The following FHIT variants were observed in gnomAD, a reference collection of about 807,000 sequenced individuals.
FHIT encodes fragile histidine triad diadenosine triphosphatase, also known as bis(5'-adenosyl)-triphosphatase.
In FHIT, 19 loss-of-function variants were observed where a neutral mutation model predicts 17.9. That is an observed-to-expected ratio of 1.06 (90% CI 0.74 to 1.56). FHIT has a LOEUF of 1.56. Ranked by LOEUF, FHIT falls within the 40% of genes most tolerant of loss-of-function variation. The probability of loss-of-function intolerance (pLI) is 0.00; values close to 1 mark genes in which losing one functional copy is unlikely to be tolerated. For synonymous variants in FHIT, 81 were observed against 69.7 expected, an observed-to-expected ratio of 1.16 and a Z score of -0.81; for missense variants, 248 against 189.2, an observed-to-expected ratio of 1.31 and a Z score of -1.82.
At chr3:60,256,772 T>G (rs1392286067) in intron 5 of FHIT, among the ~76,000 whole-genome samples, 1 of 152,184 alleles carries the variant, frequency 6.6e-6, no homozygotes, top group Admixed American at 6.5e-5. Context: ...ATTGGTCAGG[T>G]GCAATAGTCT....
intron 2 of FHIT, among the ~76,000 whole-genome samples, chr3:61,109,556 G>GT (rs1008023424): frequency 2.0e-5 from 3 of 152,112 alleles, no homozygotes; most frequent in African/African-American, 7.2e-5. Context: ...TCCCCTGTAT[G>GT]TAAGCCCCCA....
chr3:60,050,306 A>T (rs1258854819), intron 5 of FHIT, among the ~76,000 whole-genome samples: 2 of 152,092 alleles, frequency 1.3e-5, no homozygotes, highest in African/African-American at 4.8e-5. Context: ...TAAATTCCTT[A>T]AATTTTACCT....
chr3:60,632,417 C>A (rs1156794730), intron 4 of FHIT, among the ~76,000 whole-genome samples: 3 of 152,146 alleles, frequency 2.0e-5, no homozygotes, highest in Non-Finnish European at 2.9e-5. Context: ...TACCAAGGGG[C>A]TCCATGTCTT....
At chr3:60,387,986 G>A (rs1432420145) in intron 5 of FHIT, among the ~76,000 whole-genome samples, 4 of 152,048 alleles carry the variant, frequency 2.6e-5, no homozygotes, top group African/African-American at 9.7e-5. Context: ...ACCCTTCTCT[G>A]TCTTGCCATG....
At position 61,062,768 on chromosome 3, in the gene FHIT, T is replaced by C. The variant is rs147148333; in HGVS notation, c.-163-20669A>G. ...GCCATGAATTAAGTGGATCTGATTC[T>C]ATCTCTTAAAGGAACAGAAAAAAAA... On this transcript the variant is annotated intron_variant, in intron 2 of 9. Coordinates refer to ENST00000492590, the MANE Select transcript of FHIT (RefSeq NM_002012.4). Among the ~76,000 whole-genome samples, 390 of 152,332 alleles carry C rather than the reference T, an allele frequency of 2.6e-3. 2 individuals are homozygous for C. Among genetic ancestry groups the C allele is most frequent in the African/African-American group, 9.0e-3 (375 of 41,576 alleles).
At chr3:60,878,356 A>T (rs1169806623) in intron 3 of FHIT, among the ~76,000 whole-genome samples, 1 of 152,084 alleles carries the variant, frequency 6.6e-6, no homozygotes, top group East Asian at 1.9e-4. Flanking sequence ...AAAGCAATGG[A>T]ACTGCTTGTA....
chr3:60,646,638 C>T (rs1375395485), intron 4 of FHIT, among the ~76,000 whole-genome samples: 1 of 151,908 alleles, frequency 6.6e-6, no homozygotes, highest in Non-Finnish European at 1.5e-5. Flanking sequence ...GTGGGGGAAA[C>T]AATTTCTTTT....
chr3:60,742,634 C>G (rs994153544), intron 4 of FHIT, among the ~76,000 whole-genome samples: 4 of 152,196 alleles, frequency 2.6e-5, no homozygotes, highest in African/African-American at 9.6e-5. Context: ...AGGCTACAAC[C>G]AGCATTCTGC....
chr3:60,157,540 C>A (rs1700755620), intron 5 of FHIT, among the ~76,000 whole-genome samples: 1 of 152,092 alleles, frequency 6.6e-6, no homozygotes, highest in African/African-American at 2.4e-5. Context: ...GTGGGACTAG[C>A]TAAATACAGG....
intron 4 of FHIT, among the ~76,000 whole-genome samples, chr3:60,818,535 A>T (rs1289914780): frequency 6.6e-6 from 1 of 152,178 alleles, no homozygotes; most frequent in Non-Finnish European, 1.5e-5. Flanking sequence ...GAATTACATG[A>T]CGTGATCTCA....
chr3:59,951,037 G>C (rs375525620), intron 7 of FHIT, among the ~76,000 whole-genome samples: 4 of 152,252 alleles, frequency 2.6e-5, no homozygotes, highest in East Asian at 3.9e-4. Context: ...TTTGTATTAA[G>C]GCTTTAATAG....
intron 3 of FHIT, among the ~76,000 whole-genome samples, chr3:60,897,051 C>A (rs782698419): frequency 5.3e-5 from 8 of 152,110 alleles, no homozygotes; most frequent in East Asian, 1.9e-4. Context: ...ATGCAGCATG[C>A]TATATATAGT....
intron 2 of FHIT, among the ~76,000 whole-genome samples, chr3:61,112,930 C>T (rs963994146): frequency 1.3e-5 from 2 of 152,138 alleles, no homozygotes; most frequent in Non-Finnish European, 2.9e-5. Flanking sequence ...TATCTTGGAA[C>T]TAACTATGGA....
chr3:59,911,438 T>C (rs1222903124), intron 8 of FHIT, among the ~76,000 whole-genome samples: 1 of 152,158 alleles, frequency 6.6e-6, no homozygotes, highest in Non-Finnish European at 1.5e-5. Context: ...TTTTGGATTG[T>C]CTATCTTGGA....
At chr3:60,803,888 T>A (rs1301764805) in intron 4 of FHIT, among the ~76,000 whole-genome samples, 1 of 151,714 alleles carries the variant, frequency 6.6e-6, no homozygotes, top group Non-Finnish European at 1.5e-5. Flanking sequence ...AAATCCAAAT[T>A]AGCATGGTCC....
At chr3:60,375,080 A>G (rs1256316900) in intron 5 of FHIT, among the ~76,000 whole-genome samples, 1 of 149,470 alleles carries the variant, frequency 6.7e-6, no homozygotes, top group Non-Finnish European at 1.5e-5. Context: ...ATGCTCTTCA[A>G]GAATCATTCC....
At chr3:60,525,176 C>A (rs12492175) in intron 5 of FHIT, among the ~76,000 whole-genome samples, 27,165 of 152,134 alleles carry the variant, frequency 0.18, 2,832 homozygotes, top group East Asian at 0.31. Flanking sequence ...AAAAAAGTTC[C>A]AATAGCATTT....
intron 1 of FHIT, among the ~76,000 whole-genome samples, chr3:61,232,841 T>C (rs2040139415): frequency 6.6e-6 from 1 of 152,128 alleles, no homozygotes; most frequent in Non-Finnish European, 1.5e-5. Flanking sequence ...GGTAAATAAA[T>C]AGAATATTCA....
rs1700730077 is a variant in FHIT, at chr3:59,748,805, C to T, written c.*780G>A. 1.3e-5 allele frequency among the ~76,000 whole-genome samples: 2 copies of T among 152,120 alleles called. No individual in the cohort carries two copies. The highest frequency in any genetic ancestry group is 1.3e-4 in the Admixed American group (2 of 15,268). On this transcript the variant is annotated 3_prime_UTR_variant, in exon 10 of 10. Transcript: ENST00000492590. Reference sequence around the variant, plus strand: ...GCCTTGAACTAATAATACTTAACATCCTTAAGCCTTAGTTTTCTCATCACT... The same window carrying T: ...GCCTTGAACTAATAATACTTAACATTCTTAAGCCTTAGTTTTCTCATCACT...
Sources: allele counts gnomAD v4.1 joint callset (sites outside exome capture counted in the v4.1 genomes callset), GRCh38; gene constraint gnomAD v4.1.1; transcripts MANE v1.5; gene names NCBI Gene and HGNC (gene_info 2026-07-23, HGNC 2026-07-21).